Variants in ZNF138 observed in about 807,000 individuals in gnomAD.
ZNF138 encodes the protein zinc finger protein 138, also known as zinc finger protein 138 (clone pHZ-32).
In ZNF138, 33 loss-of-function variants were observed where a neutral mutation model predicts 33.0. The observed-to-expected ratio is 1.00, with a 90% CI of 0.76 to 1.34. The LOEUF (loss-of-function observed/expected upper bound fraction) is 1.34, where lower values mean the gene tolerates loss of function less well. Ranked by LOEUF, ZNF138 falls within the 40% of genes most tolerant of loss-of-function variation. The pLI, the probability that ZNF138 is intolerant of heterozygous loss-of-function variation, is 0.00. For missense variants in ZNF138, 360 were observed against 370.8 expected, an observed-to-expected ratio of 0.97 and a Z score of 0.24; for synonymous variants, 139 against 120.4, an observed-to-expected ratio of 1.15 and a Z score of -1.01.
chr7:64,841,123 A>AT, the ZNF138 span, among the ~76,000 whole-genome samples: 1 of 151,620 alleles, frequency 6.6e-6, no homozygotes, highest in Non-Finnish European at 1.5e-5. Flanking sequence ...GTCTCTTACG[A>AT]TTTTTTCTTT....
intron 3 of ZNF138, among the ~76,000 whole-genome samples, chr7:64,822,785 T>C (rs1349453944): frequency 2.0e-5 from 3 of 152,254 alleles, no homozygotes; most frequent in African/African-American, 7.2e-5. Flanking sequence ...AAACTATTTC[T>C]GTAAAAAGAT....
chr7:64,801,595 T>C (rs1342488064), intron 1 of ZNF138, among the ~76,000 whole-genome samples: 1 of 152,196 alleles, frequency 6.6e-6, no homozygotes, highest in East Asian at 1.9e-4. Context: ...TGGTCAATTT[T>C]AGAGTATGTG....
chr7:64,843,545 T>C, the ZNF138 span, among the ~76,000 whole-genome samples: 3 of 152,212 alleles, frequency 2.0e-5, no homozygotes, highest in East Asian at 1.9e-4. Context: ...ATAACTGATA[T>C]TGAGCATTTT....
chr7:64,835,370 G>A (rs1790336439), downstream of ZNF138: 2 of 152,198 alleles, frequency 1.3e-5, no homozygotes, highest in South Asian at 2.1e-4. Flanking sequence ...GTAACATCTG[G>A]TTGAAAGTGA....
At chr7:64,859,565 AATAC>A in the ZNF138 span, among the ~76,000 whole-genome samples, 1 of 152,248 alleles carries the variant, frequency 6.6e-6, no homozygotes, top group Non-Finnish European at 1.5e-5. Flanking sequence ...GAATTTTTCA[AATAC>A]ATTCACCATT....
the ZNF138 span, among the ~76,000 whole-genome samples, chr7:64,859,064 A>G: frequency 1.3e-5 from 2 of 152,108 alleles, no homozygotes; most frequent in African/African-American, 4.8e-5. Flanking sequence ...AGTAGCCTGG[A>G]TTACAGGCAC....
chr7:64,846,653 T>C, the ZNF138 span, among the ~76,000 whole-genome samples: 1 of 152,194 alleles, frequency 6.6e-6, no homozygotes, highest in Non-Finnish European at 1.5e-5. Context: ...TTTTAGGAGC[T>C]TTTTGGAGGA....
chr7:64,844,104 T>C, the ZNF138 span, among the ~76,000 whole-genome samples: 1 of 152,224 alleles, frequency 6.6e-6, no homozygotes, highest in African/African-American at 2.4e-5. Context: ...ATTACAGGCC[T>C]GAGCCACTGC....
intron 3 of ZNF138, among the ~76,000 whole-genome samples, chr7:64,818,360 T>C (rs761599485): frequency 1.3e-5 from 2 of 152,168 alleles, no homozygotes; most frequent in African/African-American, 4.8e-5. Flanking sequence ...TATTTAGCAA[T>C]GTAAGGGTGT....
intron 1 of ZNF138, 109 bp downstream of exon 1, chr7:64,794,680 C>T (rs1583751634): frequency 6.5e-7 from 1 of 1,532,674 alleles, no homozygotes; most frequent in Non-Finnish European, 9.0e-7. Flanking sequence ...CTGCAAAATC[C>T]GCGGCCCCGA....
chr7:64,830,737 A>T (rs1790015089), intron 3 of ZNF138, among the ~76,000 whole-genome samples: 1 of 152,214 alleles, frequency 6.6e-6, no homozygotes, highest in Admixed American at 6.5e-5. Flanking sequence ...GAACATTAAA[A>T]AAAGCTACCT....
At chr7:64,850,673 GT>G in the ZNF138 span, among the ~76,000 whole-genome samples, 1 of 152,168 alleles carries the variant, frequency 6.6e-6, no homozygotes, top group Admixed American at 6.6e-5. Context: ...CATGAATACA[GT>G]TTCTTGATCT....
the ZNF138 span, among the ~76,000 whole-genome samples, chr7:64,850,961 T>C: frequency 3.3e-5 from 5 of 152,152 alleles, no homozygotes; most frequent in Non-Finnish European, 5.9e-5. Context: ...TTTAAAAATA[T>C]ATATATTAAT....
the ZNF138 span, chr7:64,852,435 C>T: frequency 7.6e-6 from 12 of 1,573,794 alleles, no homozygotes; most frequent in African/African-American, 1.4e-5. Context: ...TTTTGAGTGG[C>T]CACTTGTGGT....
At chr7:64,840,756 T>C in the ZNF138 span, among the ~76,000 whole-genome samples, 1 of 152,124 alleles carries the variant, frequency 6.6e-6, no homozygotes, top group East Asian at 1.9e-4. Context: ...TCTTTGAACA[T>C]TTGGTCTCTC....
intron 3 of ZNF138, among the ~76,000 whole-genome samples, chr7:64,823,104 T>G (rs1789300144): frequency 1.3e-5 from 2 of 152,046 alleles, no homozygotes; most frequent in African/African-American, 4.8e-5. Context: ...GGTCTTGAAC[T>G]CCCGACCTCA....
chr7:64,812,363 T>C (rs1041710073), intron 1 of ZNF138, among the ~76,000 whole-genome samples: 1 of 152,144 alleles, frequency 6.6e-6, no homozygotes, highest in African/African-American at 2.4e-5. Context: ...TTTCGCCATG[T>C]TGGCCAGGAT....
downstream of ZNF138, among the ~76,000 whole-genome samples, chr7:64,837,589 C>T (rs1790401834): frequency 6.6e-6 from 1 of 152,138 alleles, no homozygotes; most frequent in South Asian, 2.1e-4. Flanking sequence ...AGTAAGGTTA[C>T]CCAAGATTGG....
the ZNF138 span, among the ~76,000 whole-genome samples, chr7:64,839,347 T>A: frequency 6.6e-6 from 1 of 152,174 alleles, no homozygotes; most frequent in African/African-American, 2.4e-5. Context: ...GTGGACCCCA[T>A]CCTCTTCCCT....
Sources: allele counts gnomAD v4.1 joint callset (sites outside exome capture counted in the v4.1 genomes callset), GRCh38; gene constraint gnomAD v4.1.1; transcripts MANE v1.5; gene names NCBI Gene and HGNC (gene_info 2026-07-23, HGNC 2026-07-21).